SLIT2: variants seen among roughly 807,000 people sequenced by gnomAD.
SLIT2 encodes slit homolog 2 protein.
Under a neutral mutation model 185.7 loss-of-function variants are expected in SLIT2, and 41 were observed. That is an observed-to-expected ratio of 0.22 (90% confidence interval 0.17 to 0.29). The LOEUF (loss-of-function observed/expected upper bound fraction) is 0.29. SLIT2 is among the 10% of genes least tolerant of loss of function. The pLI is 1.00. For missense variants in SLIT2, 1,571 were observed against 1,909.0 expected, an observed-to-expected ratio of 0.82 and a Z score of 3.30; for synonymous variants, 693 against 680.2, an observed-to-expected ratio of 1.02 and a Z score of -0.29.
chr4:20,426,322 G>A (rs565960591), intron 4 of SLIT2, among the ~76,000 whole-genome samples: 2 of 152,272 alleles, frequency 1.3e-5, no homozygotes, highest in Non-Finnish European at 1.5e-5. Flanking sequence ...TATAAATGAT[G>A]TATACAAAAA....
intron 4 of SLIT2, among the ~76,000 whole-genome samples, chr4:20,389,984 G>A (rs1215830924): frequency 1.3e-5 from 2 of 151,994 alleles, no homozygotes; most frequent in Non-Finnish European, 2.9e-5. Context: ...TTGCATCTAA[G>A]AATCTCAGCT....
chr4:20,266,048 A>C (rs1332559403), intron 3 of SLIT2, among the ~76,000 whole-genome samples: 1 of 151,926 alleles, frequency 6.6e-6, no homozygotes, highest in Non-Finnish European at 1.5e-5. Flanking sequence ...GAATGAGATA[A>C]CTTGTATAAA....
At position 20,402,496 on chromosome 4, in the gene SLIT2, G is replaced by A. The variant is rs552529384; in HGVS notation, c.396-65256G>A. On this transcript the variant is annotated intron_variant, in intron 4 of 36. Transcript: ENST00000504154. ...TTATTGTTGTAGTACTTTGTAAGTT[G>A]TCTATATTCAGTTATTTAACTGAGT... Among the ~76,000 whole-genome samples the A allele has an allele frequency of 4.0e-5, 6 of 151,866 alleles. No homozygotes were observed. In the South Asian group the frequency reaches 1.2e-3, roughly 31 times the overall value.
At chr4:20,315,012 A>G (rs1003929531) in intron 4 of SLIT2, among the ~76,000 whole-genome samples, 1 of 14,220 alleles carries the variant, frequency 7.0e-5, no homozygotes, top group Admixed American at 9.7e-4. Flanking sequence ...CTGTAATAAA[A>G]TAATTAATTA....
chr4:20,258,759 G>A (rs945897596), intron 3 of SLIT2, among the ~76,000 whole-genome samples: 2 of 151,740 alleles, frequency 1.3e-5, no homozygotes, highest in African/African-American at 4.8e-5. Context: ...GGTTTGATAT[G>A]TTTGCATTTT....
intron 2 of SLIT2, 59 bp from the exon 3 acceptor site, chr4:20,257,809 G>A (rs541308593): frequency 4.6e-6 from 4 of 869,808 alleles, no homozygotes; most frequent in African/African-American, 3.4e-5. Flanking sequence ...TTGCTGAATT[G>A]AAATTTATTC....
Position 20,541,618 on chromosome 4 carries a change from C to G in SLIT2, c.2142C>G (p.Asp714Glu), listed in dbSNP as rs145381139. 1.2e-4 allele frequency: 195 copies of G among 1,612,920 alleles called. No individual in the cohort carries two copies. Among genetic ancestry groups the G allele is most frequent in the Non-Finnish European group, 1.6e-4 (187 of 1,179,122 alleles). ...DVAIQDFTCD[D>E]GNDDNSCSPL... The stretch of plus-strand genomic sequence containing the variant: ...CCATTCAGGACTTCACTTGTGATGA[C>G]GGTAAGAAATACTTATCAACTCTTT... The change falls in exon 20 of 37, where the codon GAC becomes GAG. Residue 714 changes from aspartate (D) to glutamate (E), a missense_variant and splice_region_variant. Coordinates refer to ENST00000504154, the MANE Select transcript of SLIT2 (RefSeq NM_004787.4).
At chr4:20,398,036 T>G (rs1440883673) in intron 4 of SLIT2, among the ~76,000 whole-genome samples, 8 of 151,750 alleles carry the variant, frequency 5.3e-5, no homozygotes, top group Non-Finnish European at 1.2e-4. Flanking sequence ...TTGAGGCATC[T>G]GTGAGATACC....
rs536909839 is a variant in SLIT2, at chr4:20,574,836, GTCTTC to G, written c.3088+5837_3088+5841del. Among the ~76,000 whole-genome samples, 393 of 150,076 alleles carry G rather than the reference GTCTTC, an allele frequency of 2.6e-3. 2 individuals are homozygous for G. Among genetic ancestry groups the G allele is most frequent in the African/African-American group, 9.2e-3 (377 of 40,866 alleles). On this transcript the variant is annotated intron_variant, in intron 29 of 36. Coordinates refer to ENST00000504154, the MANE Select transcript of SLIT2 (RefSeq NM_004787.4). ...AGGTTATTATATAGCAGGTCTCTCTGTCTTCTCTTGCTATGGGCTTCATTTCCTCT... is the reference window on the plus strand; with the variant it reads ...AGGTTATTATATAGCAGGTCTCTCTGTCTTGCTATGGGCTTCATTTCCTCT...
At chr4:20,533,754 G>A (rs759385713) in intron 18 of SLIT2, 39 bp downstream of exon 18, 16 of 1,579,640 alleles carry the variant, frequency 1.0e-5, no homozygotes, top group Middle Eastern at 1.7e-4. Context: ...TTCTACCAAA[G>A]GATTGCAGCT....
At chr4:20,525,690 A>G (rs1721225829) in intron 15 of SLIT2, among the ~76,000 whole-genome samples, 1 of 152,100 alleles carries the variant, frequency 6.6e-6, no homozygotes, top group Non-Finnish European at 1.5e-5. Context: ...TTCACTGTTT[A>G]TAGAAAAACA....
chr4:20,307,148 C>CTCCG (rs1717634295), intron 4 of SLIT2, among the ~76,000 whole-genome samples: 1 of 17,740 alleles, frequency 5.6e-5, no homozygotes, highest in Non-Finnish European at 1.1e-4. Context: ...CCCTCCCTCC[C>CTCCG]TCCCTCCCTC....
chr4:20,373,570 A>G (rs974175019), intron 4 of SLIT2, among the ~76,000 whole-genome samples: 2 of 152,078 alleles, frequency 1.3e-5, no homozygotes, highest in Non-Finnish European at 2.9e-5. Flanking sequence ...TAATATGCAC[A>G]TGTATATGTG....
intron 4 of SLIT2, among the ~76,000 whole-genome samples, chr4:20,398,851 T>C (rs558071453): frequency 4.6e-5 from 7 of 151,800 alleles, no homozygotes; most frequent in Non-Finnish European, 8.8e-5. Context: ...TGTATTTAGC[T>C]CCGTCAATAA....
chr4:20,500,808 A>G (rs999286357), intron 9 of SLIT2, among the ~76,000 whole-genome samples: 1 of 152,178 alleles, frequency 6.6e-6, no homozygotes, highest in East Asian at 1.9e-4. Context: ...GCAGGCAATT[A>G]GAATTGCGTT....
intron 5 of SLIT2, among the ~76,000 whole-genome samples, chr4:20,472,386 G>GAGATATAGATATCTATATATCTATATA (rs1560453735): frequency 0.21 from 7,861 of 38,152 alleles, 1,405 homozygotes; most frequent in Admixed American, 0.25. Context: ...CTATATATAT[G>GAGATATAGATATCTATATATCTATATA]TAGATATATA....
chr4:20,384,088 CTTT>C (rs35319077), intron 4 of SLIT2, among the ~76,000 whole-genome samples: 13 of 147,726 alleles, frequency 8.8e-5, no homozygotes, highest in Admixed American at 1.3e-4. Context: ...TTCAGAGCAG[CTTT>C]TTTTTTTTTT....
At position 20,254,059 on chromosome 4, in the gene SLIT2, G is replaced by A. The variant is rs1030738596; in HGVS notation, c.179+65G>A. On this transcript the variant is annotated intron_variant, in intron 1 of 36. Transcript: ENST00000504154. This position sits in a 1 kb window ranked among gnomAD's most constrained non-coding sequence, Gnocchi z 5.1. ...GCCGCGCACCCCTGCCTCCACTGGA[G>A]GAACCTGTCAGCTCAGGGTCCTGTG... 4 of 1,510,944 alleles carry A rather than the reference G, an allele frequency of 2.6e-6. No individual in the cohort carries two copies. The highest frequency in any genetic ancestry group is 3.6e-6 in the Non-Finnish European group (4 of 1,112,708). 93.6% of individuals were successfully genotyped at this position (1,510,944 alleles called of 1,614,324 possible). A position where few individuals can be genotyped will look rare whatever the true frequency, so the allele number is the denominator to read the frequency against.
At chr4:20,511,595 T>TTTTTTTTTTTTTA (rs1211611464) in intron 11 of SLIT2, among the ~76,000 whole-genome samples, 1 of 137,830 alleles carries the variant, frequency 7.3e-6, no homozygotes, top group Non-Finnish European at 1.6e-5. Flanking sequence ...TAATTTTTTT[T>TTTTTTTTTTTTTA]TTTTTTTTAT....
Sources: allele counts gnomAD v4.1 joint callset (sites outside exome capture counted in the v4.1 genomes callset), GRCh38; gene constraint gnomAD v4.1.1; non-coding constraint Gnocchi (gnomAD v3.1); transcripts MANE v1.5; gene names NCBI Gene and HGNC (gene_info 2026-07-23, HGNC 2026-07-21).